PSMB2: variants seen among roughly 807,000 people sequenced by gnomAD.
PSMB2 encodes proteasome subunit beta type-2.
A neutral mutation model predicts 25.7 loss-of-function variants in PSMB2; 13 were observed. That is an observed-to-expected ratio of 0.51 (90% CI 0.33 to 0.80). The LOEUF is 0.80. Among genes scored for constraint, PSMB2 ranks in the 30% least tolerant of loss-of-function variants. The pLI, the probability that PSMB2 is intolerant of heterozygous loss-of-function variation, is 0.02. For synonymous variants in PSMB2, 87 were observed against 96.2 expected (o/e 0.90, Z 0.56); for missense variants, 202 against 259.0 (o/e 0.78, Z 1.51).
intron 3 of PSMB2, among the ~76,000 whole-genome samples, chr1:35,612,892 A>G (rs1412127554): frequency 6.6e-6 from 1 of 152,234 alleles, no homozygotes; most frequent in African/African-American, 2.4e-5. Flanking sequence ...TATGAGATTA[A>G]ATTGTTTAGA....
Position 35,599,806 on chromosome 1 carries a change from T to A in PSMB2, c.*3461A>T. On this transcript the variant is annotated 3_prime_UTR_variant, in exon 6 of 6. Coordinates refer to ENST00000373237, the MANE Select transcript of PSMB2 (RefSeq NM_002794.5). Reference sequence around the variant, plus strand: ...GGCTGTTAAATAGTCTAAGAAACGATAGGGGGTGAACCAGAGTAATGGGGA... The same window carrying A: ...GGCTGTTAAATAGTCTAAGAAACGAAAGGGGGTGAACCAGAGTAATGGGGA... 1.0e-6 allele frequency: 1 copy of A among 984,948 alleles called. No individual in the cohort carries two copies. Among genetic ancestry groups the A allele is most frequent in the South Asian group, 4.7e-5 (1 of 21,264 alleles). The allele number at this position is 984,948 out of a possible 1,614,324, so 61.0% of individuals were successfully genotyped here. A position where few individuals can be genotyped will look rare whatever the true frequency, so the allele number is the denominator to read the frequency against.
chr1:35,641,232 G>A, intron 1 of PSMB2, 110 bp downstream of exon 1: 1 of 1,367,538 alleles, frequency 7.3e-7, no homozygotes, highest in Non-Finnish European at 1.0e-6. Flanking sequence ...GGCAGGGCAG[G>A]CCGGCTTCCA....
chr1:35,611,353 G>A (rs1374787891), intron 3 of PSMB2, among the ~76,000 whole-genome samples: 1 of 151,952 alleles, frequency 6.6e-6, no homozygotes, highest in Non-Finnish European at 1.5e-5. Flanking sequence ...GGAGGGGTTG[G>A]GAGGGGAGTA....
chr1:35,640,799 C>T (rs573666507), intron 1 of PSMB2, among the ~76,000 whole-genome samples: 28 of 152,284 alleles, frequency 1.8e-4, no homozygotes, highest in African/African-American at 6.7e-4. Flanking sequence ...GGCGCTTAAA[C>T]ATTTATAAAC....
At chr1:35,603,479 T>C (rs1650067409) in intron 5 of PSMB2, 105 bp from the exon 6 acceptor site, 1 of 1,347,526 alleles carries the variant, frequency 7.4e-7, no homozygotes, top group Non-Finnish European at 1.0e-6. Flanking sequence ...AATCCCTGCT[T>C]TTGTGGAACT....
At chr1:35,641,228 G>A (rs747336614) in intron 1 of PSMB2, 114 bp downstream of exon 1, 14 of 1,321,598 alleles carry the variant, frequency 1.1e-5, no homozygotes, top group Admixed American at 6.4e-5. Context: ...TACGGGCAGG[G>A]CAGGCCGGCT....
At chr1:35,618,824 T>C (rs1650582161) in intron 3 of PSMB2, among the ~76,000 whole-genome samples, 1 of 152,238 alleles carries the variant, frequency 6.6e-6, no homozygotes, top group Admixed American at 6.5e-5. Flanking sequence ...ATCAGAATAC[T>C]ATAATGAGCT....
At chr1:35,605,975 G>C (rs942291204) in intron 4 of PSMB2, among the ~76,000 whole-genome samples, 5 of 152,198 alleles carry the variant, frequency 3.3e-5, no homozygotes, top group African/African-American at 4.8e-5. Flanking sequence ...CTAAGGTTGA[G>C]CGAGAGGGCA....
In PSMB2 at chr1:35,626,068, G is replaced by A. The variant is rs144148856; in HGVS notation, c.285+5206C>T. 2.6e-3 allele frequency among the ~76,000 whole-genome samples: 401 copies of A among 152,150 alleles called. 3 individuals are homozygous for A. Among genetic ancestry groups the A allele is most frequent in the African/African-American group, 9.3e-3 (387 of 41,538 alleles). On this transcript the variant is annotated intron_variant, in intron 3 of 5. Transcript: ENST00000373237. ...GGCCAGGCTGGTCTTGAACTCCTGG[G>A]CTCAACTGATCTGTCCATCTTGGCC...
chr1:35,620,902 GTGATCCA>G (rs1435769630), intron 3 of PSMB2, among the ~76,000 whole-genome samples: 2 of 151,896 alleles, frequency 1.3e-5, no homozygotes, highest in African/African-American at 4.8e-5. Flanking sequence ...CTGGCCTCAG[GTGATCCA>G]CCTGCCTTGG....
chr1:35,626,724 A>G (rs1027009738), intron 3 of PSMB2, among the ~76,000 whole-genome samples: 8 of 152,342 alleles, frequency 5.3e-5, no homozygotes, highest in Admixed American at 5.2e-4. Context: ...TGGGGATAAC[A>G]CACATCTTAT....
Position 35,601,827 on chromosome 1 carries a change from G to A in PSMB2, c.*1440C>T, listed in dbSNP as rs1650010802. 1 of 985,298 alleles carries A rather than the reference G, an allele frequency of 1.0e-6. No individual in the cohort carries two copies. The highest frequency in any genetic ancestry group is 1.7e-5 in the African/African-American group (1 of 57,230). The allele number at this position is 985,298 out of a possible 1,614,324, so 61.0% of individuals were successfully genotyped here. A position where few individuals can be genotyped will look rare whatever the true frequency, so the allele number is the denominator to read the frequency against. On this transcript the variant is annotated 3_prime_UTR_variant, in exon 6 of 6. Transcript: ENST00000373237. ...CATTCTGAAACACACATCTGGTCAA[G>A]AACCACTGTTTTAATAGCTTTAACC...
Position 35,601,955 on chromosome 1 carries a change from A to AATATGT in PSMB2, c.*1311_*1312insACATAT. 1.1e-6 allele frequency: 1 copy of AATATGT among 950,046 alleles called. No homozygotes were observed. Among genetic ancestry groups the AATATGT allele is most frequent in the Non-Finnish European group, 1.3e-6 (1 of 797,790 alleles). 58.9% of individuals were successfully genotyped at this position (950,046 alleles called of 1,614,324 possible). A position where few individuals can be genotyped will look rare whatever the true frequency, so the allele number is the denominator to read the frequency against. On this transcript the variant is annotated 3_prime_UTR_variant, in exon 6 of 6. Transcript: ENST00000373237. The stretch of plus-strand genomic sequence containing the variant: ...TTTAATGGAAAATTATGCAACTGTC[A>AATATGT]ACAAGAATAAGCATATCTATATGTA...
chr1:35,604,741 C>T (rs1174501620), intron 5 of PSMB2, among the ~76,000 whole-genome samples: 2 of 152,200 alleles, frequency 1.3e-5, no homozygotes, highest in African/African-American at 2.4e-5. Context: ...AATCGTGCCA[C>T]TGCACTCCAG....
At chr1:35,612,980 T>G (rs1463298586) in intron 3 of PSMB2, among the ~76,000 whole-genome samples, 3 of 152,230 alleles carry the variant, frequency 2.0e-5, no homozygotes, top group Non-Finnish European at 2.9e-5. Flanking sequence ...AGAAGCAAAC[T>G]CCATCACTTA....
At chr1:35,613,700 C>T (rs543257272) in intron 3 of PSMB2, among the ~76,000 whole-genome samples, 1 of 152,222 alleles carries the variant, frequency 6.6e-6, no homozygotes, top group East Asian at 1.9e-4. Flanking sequence ...TAAAGAAAAG[C>T]TTAGGATACA....
intron 3 of PSMB2, among the ~76,000 whole-genome samples, chr1:35,615,804 TG>T (rs1468878984): frequency 6.6e-6 from 1 of 152,234 alleles, no homozygotes; most frequent in African/African-American, 2.4e-5. Flanking sequence ...TTTTTTGATG[TG>T]TTGCACCTTG....
chr1:35,632,400 T>C (rs1651131512), intron 2 of PSMB2, among the ~76,000 whole-genome samples: 1 of 152,218 alleles, frequency 6.6e-6, no homozygotes, highest in South Asian at 2.1e-4. Flanking sequence ...AATGTCAGTA[T>C]GGAAAGACAC....
At chr1:35,623,235 G>GA (rs1196480590) in intron 3 of PSMB2, among the ~76,000 whole-genome samples, 2 of 152,198 alleles carry the variant, frequency 1.3e-5, no homozygotes, top group African/African-American at 4.8e-5. Context: ...GAACCAAACT[G>GA]AGTATCCATC....
Sources: gnomAD v4.1 joint callset for allele counts (sites outside exome capture counted in the v4.1 genomes callset) on GRCh38, gnomAD v4.1.1 for gene constraint, MANE v1.5 for transcripts, NCBI Gene and HGNC (gene_info 2026-07-23, HGNC 2026-07-21) for gene names.